The following SLC2A9 variants were observed in gnomAD, a reference collection of about 807,000 sequenced individuals.
The protein encoded by SLC2A9 is solute carrier family 2, facilitated glucose transporter member 9.
Under a neutral mutation model 50.6 loss-of-function variants are expected in SLC2A9, and 39 were observed. That is an observed-to-expected ratio of 0.77 (90% CI 0.60 to 1.01). SLC2A9 has a LOEUF of 1.01. Ranked by LOEUF, SLC2A9 falls within the 50% of genes least tolerant of loss-of-function variation. The pLI is 0.00. For missense variants in SLC2A9, 686 were observed against 677.6 expected (o/e 1.01, Z -0.14); for synonymous variants, 324 against 276.9 (o/e 1.17, Z -1.69).
chr4:9,825,823 A>G (rs1725046102), downstream of SLC2A9, among the ~76,000 whole-genome samples: 1 of 152,184 alleles, frequency 6.6e-6, no homozygotes, highest in African/African-American at 2.4e-5. Context: ...GAGATCCACA[A>G]GGTCAAATAT....
intron 3 of SLC2A9, among the ~76,000 whole-genome samples, chr4:9,786,045 G>A (rs1314076159): frequency 6.6e-6 from 1 of 152,226 alleles, no homozygotes; most frequent in Non-Finnish European, 1.5e-5. Flanking sequence ...AAGTGCAAAG[G>A]CTTGGAAATG....
At chr4:9,986,846 A>G (rs1756806255) in intron 3 of SLC2A9, among the ~76,000 whole-genome samples, 1 of 152,180 alleles carries the variant, frequency 6.6e-6, no homozygotes, top group African/African-American at 2.4e-5. Flanking sequence ...ACTTGTTTGG[A>G]GGCCTGGGGA....
intron 8 of SLC2A9, among the ~76,000 whole-genome samples, chr4:9,892,941 T>G (rs963848309): frequency 6.6e-6 from 1 of 152,242 alleles, no homozygotes; most frequent in Non-Finnish European, 1.5e-5. Flanking sequence ...ATGCAGCAAC[T>G]CATTTAATCC....
intron 6 of SLC2A9, among the ~76,000 whole-genome samples, chr4:9,926,549 A>G (rs573185830): frequency 6.6e-6 from 1 of 151,910 alleles, no homozygotes; most frequent in Non-Finnish European, 1.5e-5. Flanking sequence ...AGCAAGGAGC[A>G]TTATGAATAT....
intron 3 of SLC2A9, among the ~76,000 whole-genome samples, chr4:9,786,560 C>T (rs868645104): frequency 3.3e-5 from 5 of 152,172 alleles, no homozygotes; most frequent in African/African-American, 1.2e-4. Context: ...AGGGAAGGCA[C>T]CCTAGGGTTA....
In SLC2A9 at chr4:9,945,987, A is replaced by T. The variant is rs1326588735; in HGVS notation, c.682-3942T>A. On this transcript the variant is annotated intron_variant, in intron 5 of 11. Transcript: ENST00000264784. ...TCAGGTGCTGTTCAAAAAGGAAGGC[A>T]TGTTTTAAAAAACCGCATATTACTC... Among the ~76,000 whole-genome samples the T allele has an allele frequency of 2.0e-5, 3 of 152,214 alleles. No individual in the cohort carries two copies. In the South Asian group the frequency reaches 6.2e-4, roughly 32 times the overall value.
At chr4:9,973,165 A>G (rs1754192425) in intron 5 of SLC2A9, among the ~76,000 whole-genome samples, 2 of 152,222 alleles carry the variant, frequency 1.3e-5, no homozygotes, top group Non-Finnish European at 2.9e-5. Context: ...TATTATGAAC[A>G]CTTCTAGGCA....
chr4:10,034,650 T>G (rs1012021499), intron 1 of SLC2A9: 7 of 152,462 alleles, frequency 4.6e-5, no homozygotes, highest in African/African-American at 1.7e-4. Context: ...TCATGGGGCT[T>G]CTGTGTCCTC....
At chr4:9,948,128 A>C (rs1578031700) in intron 5 of SLC2A9, among the ~76,000 whole-genome samples, 1 of 147,382 alleles carries the variant, frequency 6.8e-6, no homozygotes, top group South Asian at 2.2e-4. Flanking sequence ...CCACCCCCCC[A>C]CCCCTTACCT....
At chr4:9,832,480 C>A (rs1323942035) in intron 11 of SLC2A9, among the ~76,000 whole-genome samples, 5 of 152,246 alleles carry the variant, frequency 3.3e-5, no homozygotes, top group African/African-American at 7.2e-5. Flanking sequence ...CCTGGCTGTT[C>A]CTGCTCCGAT....
chr4:9,889,663 G>A (rs898776940), intron 9 of SLC2A9, among the ~76,000 whole-genome samples: 3 of 152,190 alleles, frequency 2.0e-5, no homozygotes, highest in Non-Finnish European at 4.4e-5. Context: ...AGAAACATTT[G>A]GGCCACTAAG....
At chr4:10,034,277 C>T (rs577763649) in intron 1 of SLC2A9, 1 of 152,400 alleles carries the variant, frequency 6.6e-6, no homozygotes, top group South Asian at 2.1e-4. Flanking sequence ...TACATGAGCG[C>T]ACCCACGCAA....
At chr4:9,997,246 TG>T (rs1213639053) in intron 2 of SLC2A9, among the ~76,000 whole-genome samples, 6 of 152,202 alleles carry the variant, frequency 3.9e-5, no homozygotes, top group Non-Finnish European at 4.4e-5. Context: ...TACCTCATTT[TG>T]GAGATAGGGA....
intron 2 of SLC2A9, among the ~76,000 whole-genome samples, chr4:10,015,404 C>A (rs944113383): frequency 2.6e-5 from 4 of 152,174 alleles, no homozygotes; most frequent in African/African-American, 7.2e-5. Flanking sequence ...TGAACCTGGG[C>A]AAGTTGCTTA....
At chr4:9,905,912 C>T (rs907856676) in intron 8 of SLC2A9, among the ~76,000 whole-genome samples, 3 of 152,138 alleles carry the variant, frequency 2.0e-5, no homozygotes, top group African/African-American at 7.2e-5. Flanking sequence ...CTGTGTGACC[C>T]AGAGTAAGTC....
downstream of SLC2A9, chr4:9,826,124 T>C (rs1038901314): frequency 6.6e-6 from 3 of 455,730 alleles, no homozygotes; most frequent in South Asian, 4.9e-5. Context: ...TCTACCTATA[T>C]AGAAGAACGC....
intron 10 of SLC2A9, among the ~76,000 whole-genome samples, chr4:9,864,653 G>A (rs1732158448): frequency 6.6e-6 from 1 of 152,192 alleles, no homozygotes; most frequent in East Asian, 1.9e-4. Flanking sequence ...CCCAAGCCTG[G>A]AAGAGTACAA....
At chr4:10,015,316 G>C (rs1383170639) in intron 2 of SLC2A9, among the ~76,000 whole-genome samples, 2 of 152,242 alleles carry the variant, frequency 1.3e-5, no homozygotes, top group Admixed American at 6.5e-5. Flanking sequence ...GCAGGAAGGA[G>C]GGGCAGAGAG....
chr4:9,821,036 G>T lies in SLC2A9; in HGVS notation n.420+5384C>A, dbSNP rs76676980. On this transcript the variant is annotated intron_variant and non_coding_transcript_variant, in intron 3 of 3. Transcript: ENST00000503280. ...TTAGGGGAAAAGCATTTAGTTTTGC[G>T]CCACTAAATATGATGCTAGCTGTAT... 1.6e-3 allele frequency among the ~76,000 whole-genome samples: 249 copies of T among 152,158 alleles called. 2 individuals are homozygous for T. The highest frequency in any genetic ancestry group is 5.8e-3 in the African/African-American group (241 of 41,510).
Sources: gnomAD v4.1 joint callset for allele counts (sites outside exome capture counted in the v4.1 genomes callset) on GRCh38, gnomAD v4.1.1 for gene constraint, MANE v1.5 for transcripts, NCBI Gene and HGNC (gene_info 2026-07-23, HGNC 2026-07-21) for gene names.